CHST15: variants seen among roughly 807,000 people sequenced by gnomAD.
CHST15 encodes the protein carbohydrate sulfotransferase 15.
A neutral mutation model predicts 53.6 loss-of-function variants in CHST15; 30 were observed. The ratio of observed to expected loss-of-function variants is 0.56; its 90% CI spans 0.42 to 0.76. CHST15 has a LOEUF of 0.76. CHST15 is among the 30% of genes least tolerant of loss of function. CHST15 has a pLI of 0.00. For missense variants in CHST15, 627 were observed against 740.5 expected (o/e 0.85, Z 1.78); for synonymous variants, 296 against 289.8 (o/e 1.02, Z -0.22).
chr10:124,044,760 A>C lies in CHST15; in HGVS notation c.706T>G (p.Phe236Val), dbSNP rs1313178158. ...RSTFDALRKA[F>V]WGHLAHAHGK... ...TGCGCGTGCGCCAGGTGGCCCCAGA[A>C]GGCCTTGCGCAGGGCGTCGAAGGTG... Residue 236 changes from phenylalanine to valine, a missense_variant, in exon 3 of 8, where the codon TTC (phenylalanine) becomes GTC (valine). Phe to Val is a conservative substitution (Grantham distance 50). Coordinates refer to ENST00000435907, the MANE Select transcript of CHST15 (RefSeq NM_001270764.2). 1 of 1,612,954 alleles carries C rather than the reference A, an allele frequency of 6.2e-7. No individual in the cohort carries two copies. Among genetic ancestry groups the C allele is most frequent in the Admixed American group, 1.7e-5 (1 of 59,850 alleles).
At chr10:124,092,490 G>A (rs1329353158) in intron 1 of CHST15, 2 of 152,114 alleles carry the variant, frequency 1.3e-5, no homozygotes, top group Admixed American at 6.5e-5. Context: ...GGAAGGAGGA[G>A]GGGGCGGGGA....
intron 1 of CHST15, among the ~76,000 whole-genome samples, chr10:124,055,173 T>C (rs955175234): frequency 6.6e-6 from 1 of 152,236 alleles, no homozygotes; most frequent in Non-Finnish European, 1.5e-5. Context: ...CTGAAATGGA[T>C]TGTTCTTTGT....
rs2134013475 is a variant in CHST15, at chr10:124,046,123, A to G, written c.90T>C (p.Gly30=). Residue 30 remains glycine, a synonymous_variant, in exon 2 of 8, where the codon GGT becomes GGC. Transcript: ENST00000435907. ...CTTTGCACGTGGGGCACGCCTGGTG[A>G]CCGTGATGGGGGCCCCCTTGGCAGT... The part of the protein sequence containing the change: ...QVNCQGGPHH[G]HQACPTCKGE... 6.2e-7 allele frequency: 1 copy of G among 1,614,190 alleles called. No individual in the cohort carries two copies. The highest frequency in any genetic ancestry group is 1.3e-5 in the African/African-American group (1 of 75,038).
Position 124,042,310 on chromosome 10 carries a change from T to G in CHST15, c.1024A>C (p.Ile342Leu). Reference sequence around the variant, plus strand: ...GACACAGACGCCTTACCGATAATGATTGTATTCATCTTGCTCTGCTCCTTT... The same window carrying G: ...GACACAGACGCCTTACCGATAATGAGTGTATTCATCTTGCTCTGCTCCTTT... ...SAKEQSKMNT[I>L]IIGEASASTM... Residue 342 changes from isoleucine to leucine, a missense_variant, in exon 4 of 8, where the codon ATC (isoleucine) becomes CTC (leucine). Around this residue, in one of 3 missense-constraint regions of CHST15, gnomAD observed 279 missense variants for 371.6 expected, o/e 0.75. Transcript: ENST00000435907. The G allele has an allele frequency of 6.2e-7, 1 of 1,611,534 alleles. No homozygotes were observed. The highest frequency in any genetic ancestry group is 1.7e-5 in the Admixed American group (1 of 59,974).
At chr10:124,072,120 C>T (rs532374630) in intron 1 of CHST15, among the ~76,000 whole-genome samples, 6 of 152,340 alleles carry the variant, frequency 3.9e-5, no homozygotes, top group Non-Finnish European at 7.3e-5. Context: ...GCCCTGCCCC[C>T]GATTTACTGA....
In CHST15 at chr10:124,044,562, C is replaced by T. The variant is rs1205430315; in HGVS notation, c.886+18G>A. The T allele has an allele frequency of 6.8e-7, 1 of 1,479,806 alleles. No homozygotes were observed. Among genetic ancestry groups the T allele is most frequent in the Non-Finnish European group, 9.0e-7 (1 of 1,113,956 alleles). 91.7% of individuals were successfully genotyped at this position (1,479,806 alleles called of 1,614,324 possible). A position where few individuals can be genotyped will look rare whatever the true frequency, so the allele number is the denominator to read the frequency against. On this transcript the variant is annotated intron_variant, in intron 3 of 7. Transcript: ENST00000435907. ...GAAGGAACGAGACCAGACAGGAGCCCTGGGACCCAGCACTCACCAAAGCGC... is the reference window on the plus strand; with the variant it reads ...GAAGGAACGAGACCAGACAGGAGCCTTGGGACCCAGCACTCACCAAAGCGC...
chr10:124,093,068 G>C (rs1034145313), intron 1 of CHST15, among the ~76,000 whole-genome samples: 2 of 152,200 alleles, frequency 1.3e-5, no homozygotes, highest in African/African-American at 4.8e-5. Flanking sequence ...TGTCGCCGCT[G>C]GGTAACCCTT....
Position 124,009,035 on chromosome 10 carries a change from G to A in CHST15, c.*1114C>T, listed in dbSNP as rs747812223. The A allele has an allele frequency of 7.0e-6, 9 of 1,289,038 alleles. No individual in the cohort carries two copies. Among genetic ancestry groups the A allele is most frequent in the Admixed American group, 6.9e-5 (3 of 43,544 alleles). 79.9% of individuals were successfully genotyped at this position (1,289,038 alleles called of 1,614,324 possible). ...GCATTGTGTTTTGGAATTGGGACAC[G>A]AGTATCTATAGTCCCTTGCTGGGTG... On this transcript the variant is annotated 3_prime_UTR_variant, in exon 8 of 8. Transcript: ENST00000435907.
chr10:124,045,514 C>T (rs1464080386), intron 2 of CHST15, among the ~76,000 whole-genome samples, 153 bp downstream of exon 2: 1 of 152,214 alleles, frequency 6.6e-6, no homozygotes, highest in South Asian at 2.1e-4. Flanking sequence ...TCTCTCAGTG[C>T]ATTCAAATCC....
At chr10:124,064,779 T>G (rs1590320849) in intron 1 of CHST15, among the ~76,000 whole-genome samples, 1 of 151,990 alleles carries the variant, frequency 6.6e-6, no homozygotes, top group East Asian at 1.9e-4. Flanking sequence ...CCCTGCTAGA[T>G]GCATTCGCTC....
In CHST15 at chr10:124,050,783, G is replaced by A. The variant is rs539455056; in HGVS notation, c.-512-4059C>T. Among the ~76,000 whole-genome samples, 5 of 152,306 alleles carry A rather than the reference G, an allele frequency of 3.3e-5. No homozygotes were observed. In the South Asian group the frequency reaches 6.2e-4, roughly 19 times the overall value. On this transcript the variant is annotated intron_variant, in intron 1 of 7. Coordinates refer to ENST00000435907, the MANE Select transcript of CHST15 (RefSeq NM_001270764.2). ...GCCCCGTAGAGAGACGCTGTGGGGAGTCCCAGCCCATGAGGGCTACTGGCA... is the reference window on the plus strand; with the variant it reads ...GCCCCGTAGAGAGACGCTGTGGGGAATCCCAGCCCATGAGGGCTACTGGCA...
At chr10:124,041,523 G>C (rs1484748823) in intron 4 of CHST15, among the ~76,000 whole-genome samples, 1 of 151,978 alleles carries the variant, frequency 6.6e-6, no homozygotes, top group Non-Finnish European at 1.5e-5. Context: ...TATATTTCAG[G>C]TGCTTTTACC....
intron 5 of CHST15, among the ~76,000 whole-genome samples, chr10:124,034,367 G>A (rs1947340386): frequency 3.3e-5 from 5 of 152,254 alleles, no homozygotes; most frequent in Admixed American, 3.3e-4. Flanking sequence ...GCTGGGGTAA[G>A]AGAGAAGAGT....
At chr10:124,086,015 A>C (rs1264703883) in intron 1 of CHST15, among the ~76,000 whole-genome samples, 1 of 152,174 alleles carries the variant, frequency 6.6e-6, no homozygotes, top group Admixed American at 6.5e-5. Context: ...GCTGGGACCA[A>C]GAGAGAGGAG....
Position 124,044,876 on chromosome 10 carries a change from C to T in CHST15, c.590G>A (p.Ser197Asn), listed in dbSNP as rs778409986. ...IPNKFLPNSK[S>N]PCWYEEFSGQ... ...CGAGAACTCCTCGTACCAACAGGGG[C>T]TCTTACTGTTTGGAAGGAATTTGTT... Residue 197 changes from serine to asparagine, a missense_variant, in exon 3 of 8, where the codon AGC becomes AAC. By Grantham distance (46) the Ser-to-Asn change is conservative. Coordinates refer to ENST00000435907, the MANE Select transcript of CHST15 (RefSeq NM_001270764.2). 39 of 1,463,572 alleles carry T rather than the reference C, an allele frequency of 2.7e-5. No homozygotes were observed. In the South Asian group the frequency reaches 4.8e-4, roughly 18 times the overall value. 90.7% of individuals were successfully genotyped at this position (1,463,572 alleles called of 1,614,324 possible). A position where few individuals can be genotyped will look rare whatever the true frequency, so the allele number is the denominator to read the frequency against.
At chr10:124,023,375 T>G (rs1484327095) in intron 5 of CHST15, among the ~76,000 whole-genome samples, 1 of 151,896 alleles carries the variant, frequency 6.6e-6, no homozygotes, top group Non-Finnish European at 1.5e-5. Flanking sequence ...AGTCCAGCTA[T>G]TCTGGAGACT....
intron 1 of CHST15, among the ~76,000 whole-genome samples, chr10:124,057,572 C>T (rs564545520): frequency 2.6e-5 from 4 of 152,232 alleles, no homozygotes; most frequent in East Asian, 1.9e-4. Context: ...TCCCATCTAA[C>T]GCCAGAACAA....
At chr10:124,010,369 G>T (rs1484207313) in intron 7 of CHST15, 30 bp from the exon 8 acceptor site, 3 of 1,526,990 alleles carry the variant, frequency 2.0e-6, no homozygotes, top group South Asian at 2.5e-5. Context: ...GTCCCGTAAG[G>T]CAGGAGGCAT....
chr10:124,026,552 C>T (rs906030778), intron 5 of CHST15, among the ~76,000 whole-genome samples: 13 of 152,224 alleles, frequency 8.5e-5, no homozygotes, highest in African/African-American at 2.4e-4. Flanking sequence ...TCAAAATCCA[C>T]TATCCCATGA....
Sources: gnomAD v4.1 joint callset for allele counts (sites outside exome capture counted in the v4.1 genomes callset) on GRCh38, gnomAD v4.1.1 for gene constraint, gnomAD v4.1.1 regional missense constraint, MANE v1.5 for transcripts, NCBI Gene and HGNC (gene_info 2026-07-23, HGNC 2026-07-21) for gene names.